The following TRHDE variants were observed in gnomAD, a reference collection of about 807,000 sequenced individuals.
TRHDE encodes the protein thyrotropin-releasing hormone-degrading ectoenzyme.
Under a neutral mutation model 125.7 loss-of-function variants are expected in TRHDE, and 72 were observed. The observed-to-expected ratio is 0.57, with a 90% CI of 0.47 to 0.70. The LOEUF (loss-of-function observed/expected upper bound fraction) is 0.70. Among genes scored for constraint, TRHDE ranks in the 30% least tolerant of loss-of-function variants. The probability of loss-of-function intolerance (pLI) is 0.00; values close to 1 mark genes in which losing one functional copy is unlikely to be tolerated. For missense variants in TRHDE, 1,110 were observed against 1,327.1 expected, an observed-to-expected ratio of 0.84 and a Z score of 2.54; for synonymous variants, 509 against 509.1, an observed-to-expected ratio of 1.00 and a Z score of 0.00.
chr12:72,424,775 G>A (rs1162037660), intron 3 of TRHDE, among the ~76,000 whole-genome samples: 1 of 151,968 alleles, frequency 6.6e-6, no homozygotes, highest in East Asian at 1.9e-4. Flanking sequence ...TAAAGCTTTT[G>A]GGGGAAGAAG....
chr12:72,419,452 C>T (rs1386950310), intron 3 of TRHDE, among the ~76,000 whole-genome samples: 3 of 152,052 alleles, frequency 2.0e-5, no homozygotes, highest in African/African-American at 4.8e-5. Context: ...TGGTGAGGGC[C>T]TCAGGAAGCT....
chr12:72,500,872 T>TTA, intron 6 of TRHDE, among the ~76,000 whole-genome samples: 1 of 130,674 alleles, frequency 7.7e-6, no homozygotes, highest in East Asian at 2.3e-4. Context: ...TTTTTTTTTT[T>TTA]AAGTTTCTTT....
intron 2 of TRHDE, among the ~76,000 whole-genome samples, chr12:72,117,579 T>A (rs1295527944): frequency 6.6e-6 from 1 of 152,118 alleles, no homozygotes; most frequent in Non-Finnish European, 1.5e-5. Flanking sequence ...TTGTTCTGTA[T>A]AAATTTTAGG....
At chr12:72,178,539 A>G (rs1033623346) in intron 2 of TRHDE, among the ~76,000 whole-genome samples, 2 of 152,116 alleles carry the variant, frequency 1.3e-5, no homozygotes, top group Non-Finnish European at 2.9e-5. Flanking sequence ...AATAACAGAG[A>G]GGAACAAAAT....
chr12:72,605,490 G>A (rs550493981), intron 12 of TRHDE, among the ~76,000 whole-genome samples: 1 of 152,090 alleles, frequency 6.6e-6, no homozygotes, highest in African/African-American at 2.4e-5. Context: ...GGTTTCAAGT[G>A]GACACAACTG....
At chr12:72,559,592 AT>A (rs1225401605) in intron 7 of TRHDE, among the ~76,000 whole-genome samples, 2 of 152,140 alleles carry the variant, frequency 1.3e-5, no homozygotes, top group Non-Finnish European at 2.9e-5. Context: ...TAACTCTATT[AT>A]TTCTGAAATA....
intron 7 of TRHDE, among the ~76,000 whole-genome samples, chr12:72,554,841 G>T (rs1869844227): frequency 6.6e-6 from 1 of 152,152 alleles, no homozygotes. Flanking sequence ...TCACTGACAG[G>T]TGTAGGACCC....
rs563505403 is a variant in TRHDE at position 72,278,578 on chromosome 12, G to A, written c.914+5021G>A. Among the ~76,000 whole-genome samples the A allele has an allele frequency of 9.2e-5, 14 of 152,208 alleles. No homozygotes were observed. In the East Asian group the frequency reaches 2.3e-3, roughly 25 times the overall value. ...TCATTTTCACCAACAGTGTACAAGG[G>A]TTCTTTTTGCTGCACATCCTTGCTA... is the stretch of plus-strand genomic sequence containing the variant. On this transcript the variant is annotated intron_variant, in intron 1 of 18. Coordinates refer to ENST00000261180, the MANE Select transcript of TRHDE (RefSeq NM_013381.3).
chr12:72,261,263 T>A (rs1402537879), intron 2 of TRHDE, among the ~76,000 whole-genome samples: 1 of 152,208 alleles, frequency 6.6e-6, no homozygotes. Context: ...AAATTATCTT[T>A]CAGTTAAAGC....
At chr12:72,430,273 T>TA (rs1294644934) in intron 3 of TRHDE, among the ~76,000 whole-genome samples, 5 of 144,800 alleles carry the variant, frequency 3.5e-5, no homozygotes, top group Non-Finnish European at 7.5e-5. Context: ...TACACACATA[T>TA]AAAACTGTTG....
intron 3 of TRHDE, among the ~76,000 whole-genome samples, chr12:72,422,884 T>C (rs914805267): frequency 6.6e-6 from 1 of 152,160 alleles, no homozygotes; most frequent in Non-Finnish European, 1.5e-5. Context: ...GCTCTTGCTC[T>C]TTCACTTTCT....
intron 12 of TRHDE, among the ~76,000 whole-genome samples, chr12:72,607,090 CTATT>C (rs773509767): frequency 5.9e-5 from 9 of 152,026 alleles, no homozygotes; most frequent in Non-Finnish European, 8.8e-5. Context: ...TCTTTTAAAA[CTATT>C]TATTTTTCAT....
intron 3 of TRHDE, among the ~76,000 whole-genome samples, chr12:72,445,266 T>C (rs1774380081): frequency 1.3e-5 from 2 of 151,866 alleles, no homozygotes; most frequent in Admixed American, 6.6e-5. Context: ...TTATCACATA[T>C]TTTTTAATAA....
At chr12:72,098,287 A>G (rs1177225061) in intron 1 of TRHDE, among the ~76,000 whole-genome samples, 2 of 152,212 alleles carry the variant, frequency 1.3e-5, no homozygotes, top group Non-Finnish European at 2.9e-5. Flanking sequence ...GGAATAATAC[A>G]GAGAGAGCTC....
chr12:72,446,725 T>C (rs1875305422), intron 3 of TRHDE, among the ~76,000 whole-genome samples: 1 of 152,012 alleles, frequency 6.6e-6, no homozygotes. Context: ...TAGTCTCTGA[T>C]AAAACACAGT....
intron 2 of TRHDE, among the ~76,000 whole-genome samples, chr12:72,159,993 A>T (rs1876600027): frequency 6.6e-6 from 1 of 152,096 alleles, no homozygotes; most frequent in Non-Finnish European, 1.5e-5. Flanking sequence ...TCTAAATCTA[A>T]TTGTGAAATT....
chr12:72,377,072 A>C (rs1404854650), intron 2 of TRHDE, among the ~76,000 whole-genome samples: 1 of 152,162 alleles, frequency 6.6e-6, no homozygotes, highest in East Asian at 1.9e-4. Context: ...GTGGCAGAGT[A>C]GGACTAAAAT....
chr12:72,557,114 G>GT (rs1160772954), intron 7 of TRHDE, among the ~76,000 whole-genome samples: 8 of 152,198 alleles, frequency 5.3e-5, no homozygotes, highest in African/African-American at 1.9e-4. Context: ...TTAAGATGCA[G>GT]TAACAGATTC....
intron 2 of TRHDE, among the ~76,000 whole-genome samples, chr12:72,182,991 G>C (rs938160249): frequency 6.6e-6 from 1 of 152,166 alleles, no homozygotes; most frequent in African/African-American, 2.4e-5. Flanking sequence ...ATGGGCAGAG[G>C]AGGGGAGATA....
Sources: allele counts gnomAD v4.1 joint callset (sites outside exome capture counted in the v4.1 genomes callset), GRCh38; gene constraint gnomAD v4.1.1; transcripts MANE v1.5; gene names NCBI Gene and HGNC (gene_info 2026-07-23, HGNC 2026-07-21).